The following NEDD4 variants were observed in gnomAD, a reference collection of about 807,000 sequenced individuals.
NEDD4 encodes the protein E3 ubiquitin-protein ligase NEDD4.
Under a neutral mutation model 144.9 loss-of-function variants are expected in NEDD4, and 99 were observed. The ratio of observed to expected loss-of-function variants is 0.68; its 90% CI spans 0.58 to 0.81. The LOEUF (loss-of-function observed/expected upper bound fraction) is 0.81. Ranked by LOEUF, NEDD4 falls within the 30% of genes least tolerant of loss-of-function variation. NEDD4 has a pLI of 0.00. For synonymous variants in NEDD4, 318 were observed against 350.6 expected (o/e 0.91, Z 1.04); for missense variants, 985 against 1,065.9 (o/e 0.92, Z 1.06).
chr15:55,892,316 AT>A (rs1480966420), intron 5 of NEDD4, among the ~76,000 whole-genome samples: 2 of 134,466 alleles, frequency 1.5e-5, no homozygotes, highest in Non-Finnish European at 3.3e-5. Flanking sequence ...AAATAAATAA[AT>A]AAATAATAAA....
At chr15:55,971,450 C>A (rs2037606590) in intron 1 of NEDD4, among the ~76,000 whole-genome samples, 3 of 151,890 alleles carry the variant, frequency 2.0e-5, no homozygotes, top group African/African-American at 7.3e-5. Context: ...CATGGTTAAA[C>A]CCCGTCTCCA....
chr15:55,880,123 C>T (rs1321846346), intron 5 of NEDD4, among the ~76,000 whole-genome samples: 1 of 152,086 alleles, frequency 6.6e-6, no homozygotes, highest in Non-Finnish European at 1.5e-5. Flanking sequence ...GAAACCCCAT[C>T]TCTACTAAAA....
chr15:55,948,986 A>G (rs1344489711), intron 4 of NEDD4, among the ~76,000 whole-genome samples: 1 of 152,200 alleles, frequency 6.6e-6, no homozygotes, highest in Non-Finnish European at 1.5e-5. Context: ...CTTCTGCACA[A>G]CAAAAGAAAC....
chr15:55,965,439 C>G (rs1318310815), intron 2 of NEDD4, among the ~76,000 whole-genome samples: 2 of 152,090 alleles, frequency 1.3e-5, no homozygotes, highest in African/African-American at 4.8e-5. Context: ...TGAGCTCAAG[C>G]AACCTGTCTG....
At chr15:55,888,359 C>A (rs2035459932) in intron 5 of NEDD4, among the ~76,000 whole-genome samples, 1 of 151,990 alleles carries the variant, frequency 6.6e-6, no homozygotes, top group Admixed American at 6.6e-5. Context: ...TAAAATAAAT[C>A]AAGAAGGCAA....
chr15:55,958,598 T>C (rs1328728998), intron 2 of NEDD4, among the ~76,000 whole-genome samples: 1 of 152,134 alleles, frequency 6.6e-6, no homozygotes, highest in Non-Finnish European at 1.5e-5. Context: ...CATCCAGTGA[T>C]ATCATGTGGG....
In NEDD4 at chr15:55,833,050, C is replaced by T. The variant is rs2033030406; in HGVS notation, c.2485G>A (p.Gly829Ser). ...KRIRLLQFVT[G>S]TSRVPMNGFA... ...CCATTCATAGGCACCCGAGATGTGC[C>T]AGTGACAAACTGAAGTAATCTTATT... is the stretch of plus-strand genomic sequence containing the variant. The change falls in exon 27 of 29, where the codon GGC becomes AGC. Residue 829 changes from glycine (G) to serine (S), a missense_variant. Transcript: ENST00000435532. 1 of 1,613,332 alleles carries T rather than the reference C, an allele frequency of 6.2e-7. No individual in the cohort carries two copies. Among genetic ancestry groups the T allele is most frequent in the Non-Finnish European group, 8.5e-7 (1 of 1,179,764 alleles).
chr15:55,898,819 T>A (rs1358311469), intron 5 of NEDD4, among the ~76,000 whole-genome samples: 6 of 152,030 alleles, frequency 3.9e-5, no homozygotes, highest in South Asian at 2.1e-4. Context: ...AATTTTTTTT[T>A]AAATAGAGAC....
At chr15:55,948,147 T>C (rs1273497651) in intron 4 of NEDD4, among the ~76,000 whole-genome samples, 1 of 152,176 alleles carries the variant, frequency 6.6e-6, no homozygotes, top group Non-Finnish European at 1.5e-5. Context: ...AGCATTCTTA[T>C]ACATCAATTA....
chr15:55,888,625 C>T (rs1398882215), intron 5 of NEDD4, among the ~76,000 whole-genome samples: 3 of 152,086 alleles, frequency 2.0e-5, no homozygotes, highest in Non-Finnish European at 4.4e-5. Context: ...TGTGGAACCA[C>T]AAAATACCCA....
chr15:55,894,361 G>A (rs953150274), intron 5 of NEDD4, among the ~76,000 whole-genome samples: 3 of 152,218 alleles, frequency 2.0e-5, no homozygotes. Context: ...ATGGGAGGAT[G>A]TGTGTAGGTT....
chr15:55,972,308 A>G (rs1184430546), intron 1 of NEDD4, among the ~76,000 whole-genome samples: 1 of 152,190 alleles, frequency 6.6e-6, no homozygotes, highest in Non-Finnish European at 1.5e-5. Flanking sequence ...AAAAATAATA[A>G]CTACAACAAT....
chr15:55,971,401 G>C (rs1320136310), intron 1 of NEDD4, among the ~76,000 whole-genome samples: 7 of 152,120 alleles, frequency 4.6e-5, no homozygotes, highest in Admixed American at 2.0e-4. Context: ...GAGGCGAGTG[G>C]ATCTCTTGAG....
chr15:55,884,668 G>A (rs2035322687), intron 5 of NEDD4, among the ~76,000 whole-genome samples: 1 of 151,978 alleles, frequency 6.6e-6, no homozygotes, highest in Admixed American at 6.6e-5. Flanking sequence ...ATTGAGTAAT[G>A]CATCAGAGTC....
intron 4 of NEDD4, among the ~76,000 whole-genome samples, chr15:55,947,800 C>G (rs1403037551): frequency 1.3e-5 from 2 of 152,112 alleles, no homozygotes; most frequent in African/African-American, 4.8e-5. Context: ...TGGGACGTAT[C>G]TCAAAATAAT....
intron 1 of NEDD4, among the ~76,000 whole-genome samples, chr15:55,992,942 G>A (rs564831882): frequency 5.9e-5 from 9 of 152,318 alleles, no homozygotes; most frequent in African/African-American, 2.2e-4. Flanking sequence ...CTAAAGAGGA[G>A]GAGGAAAATT....
intron 8 of NEDD4, among the ~76,000 whole-genome samples, chr15:55,867,430 A>G (rs1353108685): frequency 6.6e-6 from 1 of 152,240 alleles, no homozygotes; most frequent in Non-Finnish European, 1.5e-5. Flanking sequence ...CTCAACTGTG[A>G]ATAGGGTCCT....
intron 2 of NEDD4, among the ~76,000 whole-genome samples, chr15:55,953,419 C>G (rs1414180167): frequency 1.3e-5 from 2 of 151,802 alleles, no homozygotes; most frequent in African/African-American, 4.8e-5. Context: ...CTCCAGAGGC[C>G]ATACTCTTCT....
chr15:55,876,062 C>G (rs1162361775), intron 5 of NEDD4, among the ~76,000 whole-genome samples: 3 of 152,146 alleles, frequency 2.0e-5, no homozygotes, highest in Admixed American at 1.3e-4. Flanking sequence ...TGGTTGACTT[C>G]TCGTCAAAAA....
Sources: allele counts gnomAD v4.1 joint callset (sites outside exome capture counted in the v4.1 genomes callset), GRCh38; gene constraint gnomAD v4.1.1; transcripts MANE v1.5; gene names NCBI Gene and HGNC (gene_info 2026-07-23, HGNC 2026-07-21).